ACOX2: variants seen among roughly 807,000 people sequenced by gnomAD.
The protein encoded by ACOX2 is peroxisomal acyl-coenzyme A oxidase 2.
In ACOX2, 59 loss-of-function variants were observed where a neutral mutation model predicts 77.5. That is an observed-to-expected ratio of 0.76 (90% confidence interval 0.62 to 0.95). The LOEUF (loss-of-function observed/expected upper bound fraction) is 0.95, where lower values mean the gene tolerates loss of function less well. Ranked by LOEUF, ACOX2 falls within the 40% of genes least tolerant of loss-of-function variation. ACOX2 has a pLI of 0.00. For synonymous variants in ACOX2, 317 were observed against 340.1 expected, an observed-to-expected ratio of 0.93 and a Z score of 0.75; for missense variants, 837 against 880.4, an observed-to-expected ratio of 0.95 and a Z score of 0.62.
At position 58,505,185 on chromosome 3, in the gene ACOX2, A is replaced by T; in HGVS notation, c.*39T>A. ...ATATATGCCATAGTACCATTATCACATGATGGTGCTGGTTGCTTCTTGAAT... is the reference window on the plus strand; with the variant it reads ...ATATATGCCATAGTACCATTATCACTTGATGGTGCTGGTTGCTTCTTGAAT... On this transcript the variant is annotated 3_prime_UTR_variant, in exon 15 of 15. Transcript: ENST00000302819. The surrounding 1 kb of genome is among the most constrained non-coding windows in gnomAD (Gnocchi z 4.4). The T allele has an allele frequency of 6.4e-7, 1 of 1,550,592 alleles. No homozygotes were observed. Among genetic ancestry groups the T allele is most frequent in the Non-Finnish European group, 8.9e-7 (1 of 1,129,156 alleles).
intron 14 of ACOX2, among the ~76,000 whole-genome samples, chr3:58,508,198 G>A (rs1212934774): frequency 6.6e-6 from 1 of 152,200 alleles, no homozygotes; most frequent in Non-Finnish European, 1.5e-5. Context: ...AGAGCTGCGA[G>A]CATACCCTGG....
chr3:58,509,100 A>G lies in ACOX2; in HGVS notation c.1851-75T>C, dbSNP rs2063256661. On this transcript the variant is annotated intron_variant, in intron 13 of 14. Coordinates refer to ENST00000302819, the MANE Select transcript of ACOX2 (RefSeq NM_003500.4). Reference sequence around the variant, plus strand: ...TCAAACTAGTCTTGGATGGTGAATAACAATACCTAATTAGAGGTTGCATGA... The same window carrying G: ...TCAAACTAGTCTTGGATGGTGAATAGCAATACCTAATTAGAGGTTGCATGA... 7 of 1,502,458 alleles carry G rather than the reference A, an allele frequency of 4.7e-6. No homozygotes were observed. The South Asian group carries it at 8.1e-5, about 17-fold the overall frequency. 93.1% of individuals were successfully genotyped at this position (1,502,458 alleles called of 1,614,324 possible).
intron 13 of ACOX2, among the ~76,000 whole-genome samples, chr3:58,516,713 C>G (rs192171970): frequency 6.6e-6 from 1 of 152,232 alleles, no homozygotes; most frequent in Non-Finnish European, 1.5e-5. Flanking sequence ...GGGTGGGCAC[C>G]TGTAATCCCA....
Position 58,531,497 on chromosome 3 carries a change from A to G in ACOX2, c.704-131T>C. On this transcript the variant is annotated intron_variant, in intron 6 of 14. Transcript: ENST00000302819. This position sits in a 1 kb window ranked among gnomAD's most constrained non-coding sequence, Gnocchi z 5.8. ...TATTGTACCTATTTTGCAGGTGAAC[A>G]AGCTGAGGTCAGAAAGATGCTAAAT... is the stretch of plus-strand genomic sequence containing the variant. The G allele has an allele frequency of 8.1e-7, 1 of 1,233,440 alleles. No homozygotes were observed. The highest frequency in any genetic ancestry group is 2.5e-5 in the East Asian group (1 of 40,098). The allele number at this position is 1,233,440 out of a possible 1,614,324, so 76.4% of individuals were successfully genotyped here.
Position 58,517,428 on chromosome 3 carries a change from A to G in ACOX2, c.1633-5T>C, listed in dbSNP as rs2063329409. 6.2e-7 allele frequency: 1 copy of G among 1,612,610 alleles called. No homozygotes were observed. The highest frequency in any genetic ancestry group is 8.5e-7 in the Non-Finnish European group (1 of 1,178,796). ...AGTGACATAGTAGCAGTGCACCTAC[A>G]AAGACACAAAGATATGTTCTCCTGA... On this transcript the variant is annotated splice_polypyrimidine_tract_variant and splice_region_variant and intron_variant, in intron 12 of 14. Coordinates refer to ENST00000302819, the MANE Select transcript of ACOX2 (RefSeq NM_003500.4).
Position 58,528,705 on chromosome 3 carries a change from G to A in ACOX2, c.1155+89C>T. The stretch of plus-strand genomic sequence containing the variant: ...GAGGTGGGGGTGGGGAGTGCCCATG[G>A]GGATGGGGCTGTGGCTGCTCCCCAG... On this transcript the variant is annotated intron_variant, in intron 9 of 14. Coordinates refer to ENST00000302819, the MANE Select transcript of ACOX2 (RefSeq NM_003500.4). This position sits in a 1 kb window ranked among gnomAD's most constrained non-coding sequence, Gnocchi z 5.6. The A allele has an allele frequency of 1.4e-6, 2 of 1,434,148 alleles. No individual in the cohort carries two copies. Among genetic ancestry groups the A allele is most frequent in the Non-Finnish European group, 1.8e-6 (2 of 1,087,806 alleles). 88.8% of individuals were successfully genotyped at this position (1,434,148 alleles called of 1,614,324 possible).
intron 13 of ACOX2, chr3:58,511,142 C>A: frequency 2.3e-6 from 1 of 441,058 alleles, no homozygotes; most frequent in Non-Finnish European, 4.6e-6. Flanking sequence ...AGGCTCTCAG[C>A]TCAGGCCTCA....
At position 58,515,740 on chromosome 3, in the gene ACOX2, T is replaced by A. The variant is rs551095428; in HGVS notation, c.1850+1466A>T. Among the ~76,000 whole-genome samples, 3 of 152,316 alleles carry A rather than the reference T, an allele frequency of 2.0e-5. No individual in the cohort carries two copies. Among genetic ancestry groups the A allele is most frequent in the South Asian group, 2.1e-4 (1 of 4,830 alleles). ...TATTCTCAAATTAGTCCATTTTTTT[T>A]AATCTTATGGACAATGGTAAATAAT... On this transcript the variant is annotated intron_variant, in intron 13 of 14. Transcript: ENST00000302819. This position sits in a 1 kb window ranked among gnomAD's most constrained non-coding sequence, Gnocchi z 4.0.
chr3:58,509,093 G>A, intron 13 of ACOX2, 68 bp from the exon 14 acceptor site: 3 of 1,537,154 alleles, frequency 2.0e-6, no homozygotes, highest in Non-Finnish European at 2.7e-6. Context: ...GTCTTGGATG[G>A]TGAATAACAA....
intron 5 of ACOX2, among the ~76,000 whole-genome samples, chr3:58,532,614 A>G (rs1215935673): frequency 6.6e-6 from 1 of 151,434 alleles, no homozygotes; most frequent in Non-Finnish European, 1.5e-5. Flanking sequence ...CAAACTCCTG[A>G]CCTCAGGTGA....
intron 9 of ACOX2, among the ~76,000 whole-genome samples, chr3:58,527,483 C>T (rs2063404463): frequency 6.8e-6 from 1 of 147,434 alleles, no homozygotes; most frequent in South Asian, 2.1e-4. Context: ...TTGCAGTGAG[C>T]CAAGATTGTA....
At position 58,531,066 on chromosome 3, in the gene ACOX2, G is replaced by A. The variant is rs972841164; in HGVS notation, c.819+185C>T. Among the ~76,000 whole-genome samples the A allele has an allele frequency of 1.3e-5, 2 of 152,226 alleles. No individual in the cohort carries two copies. The highest frequency in any genetic ancestry group is 1.3e-4 in the Admixed American group (2 of 15,288). ...TTCTGCATGAGAGGTCTGAGGCTCT[G>A]TGCCCAAGATCATACTGCTCCTAAG... On this transcript the variant is annotated intron_variant, in intron 7 of 14. Transcript: ENST00000302819. The surrounding 1 kb of genome is among the most constrained non-coding windows in gnomAD (Gnocchi z 5.8).
chr3:58,529,014 A>C, intron 8 of ACOX2, 58 bp from the exon 9 acceptor site: 1 of 1,488,604 alleles, frequency 6.7e-7, no homozygotes, highest in East Asian at 2.4e-5. Flanking sequence ...ACCTTCCCCT[A>C]TCCCCGACAC....
Position 58,534,878 on chromosome 3 carries a change from T to A in ACOX2, c.160+69A>T. 6.2e-7 allele frequency: 1 copy of A among 1,600,986 alleles called. No homozygotes were observed. Among genetic ancestry groups the A allele is most frequent in the East Asian group, 2.2e-5 (1 of 44,706 alleles). ...TGTTATTTGGAAGCAGAACTGCTAA[T>A]GAAGGACTCTTCTTACAAGAGAAGC... On this transcript the variant is annotated intron_variant, in intron 2 of 14. Coordinates refer to ENST00000302819, the MANE Select transcript of ACOX2 (RefSeq NM_003500.4). This position sits in a 1 kb window ranked among gnomAD's most constrained non-coding sequence, Gnocchi z 4.8.
chr3:58,524,400 T>A lies in ACOX2; in HGVS notation c.1526+26A>T, dbSNP rs1186116057. ...GCATGGAGCCTGTGCCCAGGTGGGA[T>A]GGCTGATTTCTCAGCACTGGCTTAC... On this transcript the variant is annotated intron_variant, in intron 11 of 14. Transcript: ENST00000302819. This position sits in a 1 kb window ranked among gnomAD's most constrained non-coding sequence, Gnocchi z 5.5. 2 of 1,601,484 alleles carry A rather than the reference T, an allele frequency of 1.2e-6. No homozygotes were observed. Among genetic ancestry groups the A allele is most frequent in the Non-Finnish European group, 1.7e-6 (2 of 1,170,026 alleles).
chr3:58,524,532 C>G lies in ACOX2; in HGVS notation c.1420G>C (p.Val474Leu). The change falls in exon 11 of 15, where the codon GTC (valine) becomes CTC (leucine). Residue 474 changes from valine (V) to leucine (L), a missense_variant. Transcript: ENST00000302819. This position sits in a 1 kb window ranked among gnomAD's most constrained non-coding sequence, Gnocchi z 5.5. ...STPQRSLSPS[V>L]AYLTAPDLAR... is the part of the protein sequence containing the mutation. ...AGGTCAGGTGCGGTGAGATATGCGA[C>G]AGATGGAGAGAGAGATCTCTGTGGC... 1 of 1,614,186 alleles carries G rather than the reference C, an allele frequency of 6.2e-7. No homozygotes were observed.
At position 58,528,948 on chromosome 3, in the gene ACOX2, T is replaced by A. The variant is rs1374298787; in HGVS notation, c.1001A>T (p.Glu334Val). The A allele has an allele frequency of 6.2e-7, 1 of 1,609,134 alleles. No homozygotes were observed. The highest frequency in any genetic ancestry group is 8.5e-7 in the Non-Finnish European group (1 of 1,177,464). ...RQSRLRPSDP[E>V]AKVLDYQTQQ... Reference sequence around the variant, plus strand: ...TGTCTGGTAGTCCAGGACCTTTGCCTCTGGGTCACTGAAGGGAAAAGAACC... The same window carrying A: ...TGTCTGGTAGTCCAGGACCTTTGCCACTGGGTCACTGAAGGGAAAAGAACC... Residue 334 changes from glutamate to valine, a missense_variant, in exon 9 of 15, where the codon GAG (glutamate) becomes GTG (valine). By Grantham distance (121) the Glu-to-Val change is moderately radical (BLOSUM62 -2). Transcript: ENST00000302819. The surrounding 1 kb of genome is among the most constrained non-coding windows in gnomAD (Gnocchi z 5.6).
At chr3:58,520,981 G>A (rs537312024) in intron 12 of ACOX2, among the ~76,000 whole-genome samples, 1 of 152,326 alleles carries the variant, frequency 6.6e-6, no homozygotes, top group East Asian at 1.9e-4. Flanking sequence ...CCCTCCCAGG[G>A]CTGTGTGGAT....
Position 58,530,627 on chromosome 3 carries a change from A to G in ACOX2, c.831T>C (p.Asp277=). 6.2e-7 allele frequency: 1 copy of G among 1,614,120 alleles called. No homozygotes were observed. Among genetic ancestry groups the G allele is most frequent in the Non-Finnish European group, 8.5e-7 (1 of 1,179,962 alleles). ...CTGTACCGAGTTTGACGTAGGTGCC[A>G]TCTGGCAAGACCTGTGTGGAACAAG... ...MLSRFAQVLP[D]GTYVKLGTAQ... The change falls in exon 8 of 15, where the codon GAT becomes GAC. Residue 277 remains aspartate, a synonymous_variant. Coordinates refer to ENST00000302819, the MANE Select transcript of ACOX2 (RefSeq NM_003500.4).
Sources: gnomAD v4.1 joint callset for allele counts (sites outside exome capture counted in the v4.1 genomes callset) on GRCh38, gnomAD v4.1.1 for gene constraint, Gnocchi (gnomAD v3.1) non-coding constraint, MANE v1.5 for transcripts, NCBI Gene and HGNC (gene_info 2026-07-23, HGNC 2026-07-21) for gene names.